Variants in EIF2AK4 observed in about 807,000 individuals in gnomAD.
The protein encoded by EIF2AK4 is eIF-2-alpha kinase GCN2.
Under a neutral mutation model 211.1 loss-of-function variants are expected in EIF2AK4, and 139 were observed. That is an observed-to-expected ratio of 0.66 (90% CI 0.57 to 0.76). EIF2AK4 has a LOEUF of 0.76. Among genes scored for constraint, EIF2AK4 ranks in the 30% least tolerant of loss-of-function variants. The pLI, the probability that EIF2AK4 is intolerant of heterozygous loss-of-function variation, is 0.00. For synonymous variants in EIF2AK4, 710 were observed against 751.3 expected (o/e 0.94, Z 0.90); for missense variants, 1,664 against 2,043.8 (o/e 0.81, Z 3.58).
chr15:39,945,317 T>C (rs2034212380), intron 3 of EIF2AK4, among the ~76,000 whole-genome samples: 1 of 152,074 alleles, frequency 6.6e-6, no homozygotes, highest in South Asian at 2.1e-4. Context: ...TATATATTTA[T>C]ATATACCTCT....
intron 17 of EIF2AK4, chr15:39,992,545 G>C (rs1372781346): frequency 1.7e-6 from 1 of 586,844 alleles, no homozygotes; most frequent in African/African-American, 1.9e-5. Context: ...ATCTGGCACT[G>C]TCCCTCCTCT....
chr15:39,934,229 C>T lies in EIF2AK4; in HGVS notation c.34C>T (p.Arg12Trp). ...GGGCCGTGGGGCCCCCGGGCGCGGC[C>T]GGGACGAGCCTCCGGAGAGCTACCC... is the stretch of plus-strand genomic sequence containing the variant. ...AGGRGAPGRG[R>W]DEPPESYPQR... Residue 12 changes from arginine (R) to tryptophan (W), a missense_variant, in exon 1 of 39, where the codon CGG becomes TGG. Transcript: ENST00000263791. 6.3e-7 allele frequency: 1 copy of T among 1,598,342 alleles called. No homozygotes were observed. Among genetic ancestry groups the T allele is most frequent in the South Asian group, 1.1e-5 (1 of 89,408 alleles).
chr15:40,002,690 T>C (rs2140935061), intron 21 of EIF2AK4, 23 bp from the exon 22 acceptor site: 3 of 1,612,966 alleles, frequency 1.9e-6, no homozygotes, highest in Non-Finnish European at 2.5e-6. Context: ...TCAATGATGA[T>C]GTTTTAATCG....
intron 27 of EIF2AK4, 94 bp from the exon 28 acceptor site, chr15:40,016,408 A>G (rs2035303266): frequency 1.4e-6 from 2 of 1,425,238 alleles, no homozygotes; most frequent in South Asian, 2.4e-5. Context: ...GTAGCATCCC[A>G]TGTGCTCCTG....
intron 11 of EIF2AK4, chr15:39,975,511 T>C (rs1431250758): frequency 2.0e-5 from 3 of 152,214 alleles, no homozygotes; most frequent in African/African-American, 2.4e-5. Flanking sequence ...CTAGAGTATA[T>C]CATCACCTCA....
chr15:39,944,158 C>T (rs1436032231), intron 3 of EIF2AK4, among the ~76,000 whole-genome samples: 3 of 152,152 alleles, frequency 2.0e-5, no homozygotes, highest in Non-Finnish European at 4.4e-5. Context: ...TAGTGACACA[C>T]TCTACTCCTT....
chr15:39,947,047 A>G (rs928674093), intron 3 of EIF2AK4, among the ~76,000 whole-genome samples: 4 of 151,940 alleles, frequency 2.6e-5, no homozygotes, highest in Admixed American at 6.5e-5. Flanking sequence ...CTGGAACTGA[A>G]CCTGCCATGT....
chr15:40,033,706 T>G (rs1403871329), intron 37 of EIF2AK4, among the ~76,000 whole-genome samples: 2 of 152,346 alleles, frequency 1.3e-5, no homozygotes, highest in East Asian at 3.9e-4. Context: ...ATGGATATAC[T>G]TAAGAGCTGC....
At chr15:39,969,392 G>T (rs1462116133) in intron 9 of EIF2AK4, among the ~76,000 whole-genome samples, 2 of 136,290 alleles carry the variant, frequency 1.5e-5, no homozygotes, top group Non-Finnish European at 3.1e-5. Context: ...ATGGAGTCTG[G>T]CTGTGTCGCC....
chr15:39,994,550 A>G (rs1391587009), intron 18 of EIF2AK4, among the ~76,000 whole-genome samples: 1 of 152,228 alleles, frequency 6.6e-6, no homozygotes, highest in South Asian at 2.1e-4. Context: ...TTGGGGCTGC[A>G]GTGAGCTGTG....
intron 2 of EIF2AK4, among the ~76,000 whole-genome samples, chr15:39,942,322 C>T (rs184275989): frequency 5.3e-5 from 8 of 152,254 alleles, no homozygotes; most frequent in Admixed American, 2.0e-4. Flanking sequence ...CCCATCCCAG[C>T]TCTTTGGGGA....
chr15:40,033,049 A>C (rs1220526322), intron 37 of EIF2AK4, among the ~76,000 whole-genome samples: 3 of 152,224 alleles, frequency 2.0e-5, no homozygotes, highest in Non-Finnish European at 4.4e-5. Flanking sequence ...AAAACAAAAA[A>C]ACACATATAC....
intron 17 of EIF2AK4, 55 bp from the exon 18 acceptor site, chr15:39,992,714 T>C: frequency 6.7e-7 from 1 of 1,491,332 alleles, no homozygotes; most frequent in Non-Finnish European, 9.3e-7. Flanking sequence ...TTTTAGTTTG[T>C]GTCTTCTGTA....
intron 1 of EIF2AK4, among the ~76,000 whole-genome samples, chr15:39,935,757 TCTTC>T (rs1490384865): frequency 6.6e-6 from 1 of 152,208 alleles, no homozygotes; most frequent in East Asian, 1.9e-4. Flanking sequence ...TCAGGGTGCT[TCTTC>T]CTTCATTAAA....
chr15:39,993,161 C>T (rs1012036806), intron 18 of EIF2AK4, among the ~76,000 whole-genome samples: 3 of 151,088 alleles, frequency 2.0e-5, no homozygotes, highest in East Asian at 3.9e-4. Flanking sequence ...TCCATCCACC[C>T]GTCCATCCAC....
rs2035595059 is a variant in EIF2AK4 at position 40,034,952 on chromosome 15, T to C, written c.4893-75T>C. On this transcript the variant is annotated intron_variant, in intron 38 of 38. Coordinates refer to ENST00000263791, the MANE Select transcript of EIF2AK4 (RefSeq NM_001013703.4). ...TGCTTAAATAAAGCTCCTACAGGTG[T>C]TATAAAAATTTATTAGCTCTGTTCT... The C allele has an allele frequency of 7.6e-6, 9 of 1,185,016 alleles. No individual in the cohort carries two copies. In the Admixed American group the frequency reaches 1.3e-4, roughly 17 times the overall value. The allele number at this position is 1,185,016 out of a possible 1,614,324, so 73.4% of individuals were successfully genotyped here.
rs776448021 is a variant in EIF2AK4, at chr15:39,965,766, G to A, written c.940G>A (p.Val314Ile). 6.2e-6 allele frequency: 10 copies of A among 1,613,994 alleles called. No homozygotes were observed. The African/African-American group carries it at 1.1e-4, about 17-fold the overall frequency. ...TGGFVLLYEW[V>I]LQWQKKMGPF... is the part of the protein sequence containing the mutation. ...TGGCTTTGTCTTGTTGTATGAGTGG[G>A]TCCTTCAGTGGCAGAAAAAAATGGG... Residue 314 changes from valine (V) to isoleucine (I), a missense_variant, in exon 8 of 39, where the codon GTC becomes ATC. Transcript: ENST00000263791.
At chr15:39,961,994 G>A (rs766922771) in intron 7 of EIF2AK4, 95 bp downstream of exon 7, 37 of 928,188 alleles carry the variant, frequency 4.0e-5, no homozygotes, top group Non-Finnish European at 5.7e-5. Context: ...ATTCAGACCA[G>A]TGCAGTCCAA....
At chr15:40,016,780 G>T in intron 28 of EIF2AK4, 108 bp downstream of exon 28, 1 of 1,380,874 alleles carries the variant, frequency 7.2e-7, no homozygotes, top group Non-Finnish European at 9.8e-7. Flanking sequence ...TATTTTTCCA[G>T]AAAAACTGCT....
Sources: allele counts gnomAD v4.1 joint callset (sites outside exome capture counted in the v4.1 genomes callset), GRCh38; gene constraint gnomAD v4.1.1; transcripts MANE v1.5; gene names NCBI Gene and HGNC (gene_info 2026-07-23, HGNC 2026-07-21).